The following CAPN9 variants were observed in gnomAD, a reference collection of about 807,000 sequenced individuals.
CAPN9 encodes calpain 9, also known as calpain-9.
CAPN9 carries 81 observed loss-of-function variants against 92.8 expected under a neutral mutation model. The observed-to-expected ratio is 0.87, with a 90% confidence interval of 0.73 to 1.05. The LOEUF is 1.05. Among genes scored for constraint, CAPN9 ranks in the 50% least tolerant of loss-of-function variants. The pLI is 0.00. For missense variants in CAPN9, 848 were observed against 866.2 expected, an observed-to-expected ratio of 0.98 and a Z score of 0.26; for synonymous variants, 304 against 328.0, an observed-to-expected ratio of 0.93 and a Z score of 0.79.
chr1:230,767,775 A>G, intron 5 of CAPN9, 66 bp downstream of exon 5: 1 of 1,457,336 alleles, frequency 6.9e-7, no homozygotes, highest in Non-Finnish European at 9.4e-7. Flanking sequence ...TCCAGGCACT[A>G]TGCTGGGGCT....
At chr1:230,800,256 A>AAG (rs1392906487) in intron 19 of CAPN9, among the ~76,000 whole-genome samples, 1 of 128,896 alleles carries the variant, frequency 7.8e-6, no homozygotes, top group Admixed American at 8.3e-5. Flanking sequence ...GAAAGAAAGA[A>AAG]AGAAAGAAAG....
intron 14 of CAPN9, 92 bp downstream of exon 14, chr1:230,790,281 G>C (rs1293485572): frequency 1.3e-6 from 2 of 1,527,286 alleles, no homozygotes; most frequent in African/African-American, 1.4e-5. Context: ...CCGAGCCGCA[G>C]ATCTGCTTCC....
At position 230,763,380 on chromosome 1, in the gene CAPN9, C is replaced by G. The variant is rs924916046; in HGVS notation, c.536+594C>G. ...CATCTTGCAAAACTGAAATTCTGTCCCTATTAACAAATAACTTCCTATTCC... is the reference window on the plus strand; with the variant it reads ...CATCTTGCAAAACTGAAATTCTGTCGCTATTAACAAATAACTTCCTATTCC... On this transcript the variant is annotated intron_variant, in intron 4 of 19. Transcript: ENST00000271971. Among the ~76,000 whole-genome samples the G allele has an allele frequency of 7.9e-5, 12 of 152,148 alleles. 1 individual carries two copies. The highest frequency in any genetic ancestry group is 5.9e-4 in the Admixed American group (9 of 15,282).
At chr1:230,790,665 G>T (rs1211267274) in intron 14 of CAPN9, among the ~76,000 whole-genome samples, 1 of 152,202 alleles carries the variant, frequency 6.6e-6, no homozygotes, top group East Asian at 1.9e-4. Flanking sequence ...CATAGGCCGG[G>T]TGCGGTGGCT....
chr1:230,801,439 C>G (rs994319202), intron 19 of CAPN9, 131 bp from the exon 20 acceptor site: 3 of 848,628 alleles, frequency 3.5e-6, no homozygotes, highest in Non-Finnish European at 6.1e-6. Context: ...AGACAGACAT[C>G]CAAGTTGGCA....
chr1:230,765,908 G>T (rs958456316), intron 4 of CAPN9, among the ~76,000 whole-genome samples: 2 of 152,142 alleles, frequency 1.3e-5, no homozygotes, highest in Non-Finnish European at 2.9e-5. Context: ...AGCATGGAAA[G>T]GGGAGAGAAG....
Position 230,780,599 on chromosome 1 carries a change from C to G in CAPN9, c.1372C>G (p.Arg458Gly), listed in dbSNP as rs28359688. ...CATCAACCTGAGAGAAGTCTCCGAC[C>G]GGTTCAAGCTGCCCCCTGGGGAGTA... ...TFINLREVSD[R>G]FKLPPGEYIL... Residue 458 changes from arginine to glycine, a missense_variant, in exon 11 of 20, where the codon CGG becomes GGG. By Grantham distance (125) the Arg-to-Gly change is moderately radical. Coordinates refer to ENST00000271971, the MANE Select transcript of CAPN9 (RefSeq NM_006615.3). 1 of 1,614,134 alleles carries G rather than the reference C, an allele frequency of 6.2e-7. No individual in the cohort carries two copies. The highest frequency in any genetic ancestry group is 8.5e-7 in the Non-Finnish European group (1 of 1,180,000).
At chr1:230,786,124 CAT>C (rs1280090597) in intron 12 of CAPN9, 107 bp downstream of exon 12, 6 of 1,599,156 alleles carry the variant, frequency 3.8e-6, no homozygotes, top group Non-Finnish European at 5.1e-6. Context: ...GGGATGGTTA[CAT>C]GCAATCAAGT....
chr1:230,767,724 G>A lies in CAPN9; in HGVS notation c.705+15G>A, dbSNP rs1666081608. Reference sequence around the variant, plus strand: ...GCTTCATTGATGTAAGTTGCTCATGGGCTCCCATTCCAGGCACTATGCTGG... The same window carrying A: ...GCTTCATTGATGTAAGTTGCTCATGAGCTCCCATTCCAGGCACTATGCTGG... On this transcript the variant is annotated intron_variant, in intron 5 of 19. Coordinates refer to ENST00000271971, the MANE Select transcript of CAPN9 (RefSeq NM_006615.3). 3 of 1,609,966 alleles carry A rather than the reference G, an allele frequency of 1.9e-6. No individual in the cohort carries two copies. In the African/African-American group the frequency reaches 4.1e-5, roughly 22 times the overall value.
chr1:230,790,012 G>A lies in CAPN9; in HGVS notation c.1600-120G>A. On this transcript the variant is annotated intron_variant, in intron 13 of 19. Coordinates refer to ENST00000271971, the MANE Select transcript of CAPN9 (RefSeq NM_006615.3). ...GAGATAGGTACATCTGCCCACAGCA[G>A]GGTCCTGAAGGCTGGTCTGTCACTG... The A allele has an allele frequency of 4.2e-6, 3 of 715,158 alleles. No homozygotes were observed. In the Middle Eastern group the frequency reaches 7.2e-4, roughly 172 times the overall value. The allele number at this position is 715,158 out of a possible 1,614,324, so 44.3% of individuals were successfully genotyped here. A position where few individuals can be genotyped will look rare whatever the true frequency, so the allele number is the denominator to read the frequency against.
chr1:230,791,584 T>G (rs28359714), intron 14 of CAPN9, among the ~76,000 whole-genome samples: 1,887 of 152,338 alleles, frequency 0.012, 37 homozygotes, highest in African/African-American at 0.044. Context: ...ATAAATAATA[T>G]GATGACAAAA....
At chr1:230,767,871 G>C (rs1169036865) in intron 5 of CAPN9, among the ~76,000 whole-genome samples, 162 bp downstream of exon 5, 5 of 151,956 alleles carry the variant, frequency 3.3e-5, no homozygotes, top group Non-Finnish European at 7.4e-5. Context: ...CAAGTTTTGG[G>C]GGGAGGTGGG....
intron 4 of CAPN9, among the ~76,000 whole-genome samples, chr1:230,767,109 A>G (rs965686556): frequency 6.6e-6 from 1 of 152,196 alleles, no homozygotes; most frequent in Non-Finnish European, 1.5e-5. Flanking sequence ...CTCTCTATCC[A>G]CATAGCCAGG....
chr1:230,751,107 G>C (rs576364135), intron 1 of CAPN9, among the ~76,000 whole-genome samples: 2 of 152,072 alleles, frequency 1.3e-5, no homozygotes, highest in African/African-American at 4.8e-5. Context: ...ACACCTCCCC[G>C]AAAGTGCCCA....
rs766961377 is a variant in CAPN9, at chr1:230,792,837, C to T, written c.1792-13C>T. Reference sequence around the variant, plus strand: ...CACGCTCCTTCTCAAGGCTTCTGCTCTCCACCCTTTAGAACCTTTTCCTTC... The same window carrying T: ...CACGCTCCTTCTCAAGGCTTCTGCTTTCCACCCTTTAGAACCTTTTCCTTC... On this transcript the variant is annotated splice_polypyrimidine_tract_variant and intron_variant, in intron 16 of 19. Coordinates refer to ENST00000271971, the MANE Select transcript of CAPN9 (RefSeq NM_006615.3). 3 of 1,612,458 alleles carry T rather than the reference C, an allele frequency of 1.9e-6. No individual in the cohort carries two copies. The South Asian group carries it at 3.3e-5, about 18-fold the overall frequency.
intron 4 of CAPN9, among the ~76,000 whole-genome samples, chr1:230,764,633 T>A (rs1558090995): frequency 6.6e-6 from 1 of 152,232 alleles, no homozygotes; most frequent in Non-Finnish European, 1.5e-5. Context: ...CAAAAGAAAC[T>A]GTACGTGAGT....
At chr1:230,777,604 G>T (rs535725363) in intron 8 of CAPN9, among the ~76,000 whole-genome samples, 2 of 151,568 alleles carry the variant, frequency 1.3e-5, no homozygotes, top group Non-Finnish European at 2.9e-5. Flanking sequence ...GCTCTCTCCT[G>T]TCCTCTACAG....
At chr1:230,771,740 A>G (rs909422386) in intron 6 of CAPN9, among the ~76,000 whole-genome samples, 1 of 152,222 alleles carries the variant, frequency 6.6e-6, no homozygotes, top group Admixed American at 6.5e-5. Flanking sequence ...TGTTAATTGC[A>G]ATTCTACTTT....
chr1:230,748,830 G>A (rs139295249), intron 1 of CAPN9, among the ~76,000 whole-genome samples: 21 of 152,076 alleles, frequency 1.4e-4, no homozygotes, highest in East Asian at 1.2e-3. Flanking sequence ...TTTTTTTAAC[G>A]CACATTCACA....
Sources: gnomAD v4.1 joint callset for allele counts (sites outside exome capture counted in the v4.1 genomes callset) on GRCh38, gnomAD v4.1.1 for gene constraint, MANE v1.5 for transcripts, NCBI Gene and HGNC (gene_info 2026-07-23, HGNC 2026-07-21) for gene names.